The following ABCC4 variants were observed in gnomAD, a reference collection of about 807,000 sequenced individuals.
The protein encoded by ABCC4 is ATP-binding cassette sub-family C member 4.
A neutral mutation model predicts 168.5 loss-of-function variants in ABCC4; 102 were observed. The ratio of observed to expected loss-of-function variants is 0.61; its 90% CI spans 0.52 to 0.71. The LOEUF (loss-of-function observed/expected upper bound fraction) is 0.71. Ranked by LOEUF, ABCC4 falls within the 30% of genes least tolerant of loss-of-function variation. The probability of loss-of-function intolerance (pLI) is 0.00; values close to 1 mark genes in which losing one functional copy is unlikely to be tolerated. For missense variants in ABCC4, 1,402 were observed against 1,605.8 expected (o/e 0.87, Z 2.17); for synonymous variants, 617 against 590.7 (o/e 1.04, Z -0.65).
chr13:95,176,776 G>A (rs1156442392), intron 13 of ABCC4, among the ~76,000 whole-genome samples: 1 of 152,194 alleles, frequency 6.6e-6, no homozygotes, highest in Non-Finnish European at 1.5e-5. Context: ...AGTGGGAAAG[G>A]CTCACTGACT....
chr13:95,173,942 G>A (rs564963362), intron 13 of ABCC4, among the ~76,000 whole-genome samples: 82 of 152,304 alleles, frequency 5.4e-4, no homozygotes, highest in East Asian at 1.2e-3. Flanking sequence ...AACTGCTGGC[G>A]CCTTGATCTT....
At chr13:95,256,287 A>T (rs941703516) in intron 1 of ABCC4, among the ~76,000 whole-genome samples, 1 of 152,204 alleles carries the variant, frequency 6.6e-6, no homozygotes, top group African/African-American at 2.4e-5. Flanking sequence ...CGGCTGACTC[A>T]TAAGGAGATG....
chr13:95,150,434 A>T (rs1278682592), intron 19 of ABCC4, among the ~76,000 whole-genome samples: 2 of 152,212 alleles, frequency 1.3e-5, no homozygotes, highest in African/African-American at 4.8e-5. Flanking sequence ...TCCAGAACAG[A>T]GAACTTGTTT....
intron 26 of ABCC4, 96 bp from the exon 27 acceptor site, chr13:95,053,280 A>T (rs1259547832): frequency 1.1e-6 from 1 of 921,122 alleles, no homozygotes; most frequent in Non-Finnish European, 1.7e-6. Context: ...ACCAAAAAAT[A>T]AAATTCATGA....
chr13:95,294,538 G>C (rs370139849), intron 1 of ABCC4, among the ~76,000 whole-genome samples: 9 of 152,300 alleles, frequency 5.9e-5, no homozygotes, highest in African/African-American at 1.4e-4. Flanking sequence ...TTCAGCTGGA[G>C]AGGCGTTGCA....
chr13:95,131,664 G>T (rs1866132024), intron 19 of ABCC4, among the ~76,000 whole-genome samples: 1 of 152,034 alleles, frequency 6.6e-6, no homozygotes, highest in Non-Finnish European at 1.5e-5. Flanking sequence ...GTTGCCCAAA[G>T]ATGTCAGGCG....
At chr13:95,192,977 G>A (rs1013239834) in intron 9 of ABCC4, among the ~76,000 whole-genome samples, 2 of 152,208 alleles carry the variant, frequency 1.3e-5, no homozygotes, top group Admixed American at 1.3e-4. Context: ...CAGATAAAGA[G>A]AAACTGTCAC....
At chr13:95,024,667 A>G (rs1371312273) in intron 30 of ABCC4, among the ~76,000 whole-genome samples, 1 of 152,190 alleles carries the variant, frequency 6.6e-6, no homozygotes, top group Non-Finnish European at 1.5e-5. Flanking sequence ...CAATCACAGT[A>G]ACTCTCAAGG....
chr13:95,281,378 AACAGCTTACACTGG>A (rs1389630931), intron 1 of ABCC4, among the ~76,000 whole-genome samples: 1 of 151,980 alleles, frequency 6.6e-6, no homozygotes, highest in Non-Finnish European at 1.5e-5. Context: ...GAAAGAACAG[AACAGCTTACACTGG>A]ACAGGCTTTT....
Position 95,210,726 on chromosome 13 carries a change from T to C in ABCC4, c.587A>G (p.Asn196Ser), listed in dbSNP as rs200675964. Reference sequence around the variant, plus strand: ...CTTGTTCACATCATTGGACAGCAGATTGACTATCTGGCCTGTGGTTGTCTT... The same window carrying C: ...CTTGTTCACATCATTGGACAGCAGACTGACTATCTGGCCTGTGGTTGTCTT... ...MGKTTTGQIVNLLSNDVNKFD... is the reference protein window; with the variant it reads ...MGKTTTGQIVSLLSNDVNKFD... The change falls in exon 5 of 31, where the codon AAT becomes AGT. Residue 196 changes from asparagine to serine, a missense_variant. This residue lies in a region of ABCC4 where 317 missense variants were observed against 345.5 expected (regional missense o/e 0.92). Transcript: ENST00000645237. 31 of 1,614,106 alleles carry C rather than the reference T, an allele frequency of 1.9e-5. No individual in the cohort carries two copies. The highest frequency in any genetic ancestry group is 5.0e-5 in the Admixed American group (3 of 60,010).
intron 25 of ABCC4, among the ~76,000 whole-genome samples, chr13:95,064,005 G>A (rs2033399520): frequency 6.6e-6 from 1 of 151,888 alleles, no homozygotes. Context: ...CTGGGCACTG[G>A]GTATGTGTTG....
intron 26 of ABCC4, 132 bp downstream of exon 26, chr13:95,062,572 A>G (rs1250892236): frequency 1.2e-5 from 10 of 810,776 alleles, no homozygotes; most frequent in Non-Finnish European, 1.9e-5. Flanking sequence ...ATATCTGCTC[A>G]TAAAAACATG....
chr13:95,046,782 G>A (rs927912627), intron 27 of ABCC4, among the ~76,000 whole-genome samples: 1 of 151,922 alleles, frequency 6.6e-6, no homozygotes, highest in Non-Finnish European at 1.5e-5. Flanking sequence ...AAAAAGATAT[G>A]AATGTGAAGG....
chr13:95,295,839 C>T (rs1483044358), intron 1 of ABCC4, among the ~76,000 whole-genome samples: 1 of 151,388 alleles, frequency 6.6e-6, no homozygotes, highest in African/African-American at 2.4e-5. Flanking sequence ...TAGTGGCAGG[C>T]ACCTGTAGTC....
chr13:95,292,140 T>C lies in ABCC4; in HGVS notation c.74+9101A>G, dbSNP rs548961002. Among the ~76,000 whole-genome samples the C allele has an allele frequency of 1.1e-3, 170 of 152,242 alleles. 1 individual carries two copies. Among genetic ancestry groups the C allele is most frequent in the African/African-American group, 3.9e-3 (160 of 41,556 alleles). ...TTGGAGGCTAGGGCGGGAGGATCACTTGAGCCCAGGAGTTCAATACCAGCC... is the reference window on the plus strand; with the variant it reads ...TTGGAGGCTAGGGCGGGAGGATCACCTGAGCCCAGGAGTTCAATACCAGCC... On this transcript the variant is annotated intron_variant, in intron 1 of 30. Transcript: ENST00000645237.
chr13:95,223,752 T>C (rs2039372474), intron 4 of ABCC4, among the ~76,000 whole-genome samples: 1 of 152,192 alleles, frequency 6.6e-6, no homozygotes, highest in Non-Finnish European at 1.5e-5. Context: ...TCTGCCCGCC[T>C]TGGCCTCCCA....
chr13:95,257,495 C>A (rs943390380), intron 1 of ABCC4, among the ~76,000 whole-genome samples: 8 of 151,958 alleles, frequency 5.3e-5, no homozygotes, highest in African/African-American at 1.9e-4. Flanking sequence ...ATGGTGAAAC[C>A]CTGTCTCTAT....
chr13:95,176,248 G>A (rs1298137917), intron 13 of ABCC4, among the ~76,000 whole-genome samples: 2 of 66,510 alleles, frequency 3.0e-5, no homozygotes, highest in Non-Finnish European at 6.3e-5. Flanking sequence ...GGGGGGGGTG[G>A]ATCCCTTGAG....
Position 95,136,776 on chromosome 13 carries a change from C to T in ABCC4, c.2456-20775G>A, listed in dbSNP as rs1454491546. 2.0e-5 allele frequency among the ~76,000 whole-genome samples: 3 copies of T among 152,248 alleles called. No homozygotes were observed. In the East Asian group the frequency reaches 5.8e-4, roughly 29 times the overall value. ...GGGAAGGACGGGGTGGAGAATCAAA[C>T]ACCTGATGATGCAACAAGTCCCTAG... On this transcript the variant is annotated intron_variant, in intron 19 of 30. Transcript: ENST00000645237.
Sources: gnomAD v4.1 joint callset for allele counts (sites outside exome capture counted in the v4.1 genomes callset) on GRCh38, gnomAD v4.1.1 for gene constraint, gnomAD v4.1.1 regional missense constraint, MANE v1.5 for transcripts, NCBI Gene and HGNC (gene_info 2026-07-23, HGNC 2026-07-21) for gene names.